The following SLC22A4 variants were observed in gnomAD, a reference collection of about 807,000 sequenced individuals.
SLC22A4 encodes solute carrier family 22 member 4.
SLC22A4 carries 39 observed loss-of-function variants against 56.6 expected under a neutral mutation model. The observed-to-expected ratio is 0.69, with a 90% CI of 0.53 to 0.90. The LOEUF is 0.90. SLC22A4 is among the 40% of genes least tolerant of loss of function. The pLI is 0.00. For synonymous variants in SLC22A4, 241 were observed against 281.4 expected (o/e 0.86, Z 1.44); for missense variants, 594 against 696.5 (o/e 0.85, Z 1.66).
chr5:132,327,201 T>C, intron 4 of SLC22A4, 76 bp from the exon 5 acceptor site: 2 of 1,172,138 alleles, frequency 1.7e-6, no homozygotes, highest in Non-Finnish European at 2.4e-6. Context: ...TTAAAACTAT[T>C]TGGGGGAAAC....
At chr5:132,305,302 C>T (rs1749998633) in intron 1 of SLC22A4, among the ~76,000 whole-genome samples, 1 of 151,858 alleles carries the variant, frequency 6.6e-6, no homozygotes, top group Admixed American at 6.6e-5. Context: ...CACCATTAAA[C>T]ATAGCAATAT....
intron 8 of SLC22A4, among the ~76,000 whole-genome samples, chr5:132,338,523 T>C (rs1363454994): frequency 6.6e-6 from 1 of 152,148 alleles, no homozygotes; most frequent in Non-Finnish European, 1.5e-5. Context: ...CTAACAAGCC[T>C]GGGAGTGCTA....
chr5:132,318,384 G>T (rs1750426266), intron 3 of SLC22A4, among the ~76,000 whole-genome samples: 1 of 152,156 alleles, frequency 6.6e-6, no homozygotes, highest in Admixed American at 6.5e-5. Context: ...GCTTATCACA[G>T]TCACTCTAGT....
intron 5 of SLC22A4, among the ~76,000 whole-genome samples, chr5:132,330,150 G>A (rs1405443285): frequency 6.6e-6 from 1 of 152,196 alleles, no homozygotes; most frequent in African/African-American, 2.4e-5. Context: ...GTGGCTGTGA[G>A]CTGTGTAAGT....
At chr5:132,328,823 TTATATA>T (rs70974032) in intron 5 of SLC22A4, among the ~76,000 whole-genome samples, 55,268 of 145,172 alleles carry the variant, frequency 0.38, 10,910 homozygotes, top group Non-Finnish European at 0.43. Context: ...GGCAGTGCCT[TTATATA>T]TATATATATA....
chr5:132,337,744 T>C (rs1022196456), intron 8 of SLC22A4, among the ~76,000 whole-genome samples: 1 of 151,820 alleles, frequency 6.6e-6, no homozygotes, highest in Non-Finnish European at 1.5e-5. Context: ...TGCCCCTTTT[T>C]TTTTTTTTGG....
intron 6 of SLC22A4, among the ~76,000 whole-genome samples, chr5:132,332,730 GCACACACACACACACACACA>G (rs3840351): frequency 6.9e-6 from 1 of 145,654 alleles, no homozygotes; most frequent in Non-Finnish European, 1.5e-5. Flanking sequence ...TATGATGGCA[GCACACACACACACACACACA>G]CACACACACA....
chr5:132,336,841 T>G (rs1751039120), intron 8 of SLC22A4, among the ~76,000 whole-genome samples: 1 of 152,190 alleles, frequency 6.6e-6, no homozygotes, highest in African/African-American at 2.4e-5. Context: ...GTAGGGCTAC[T>G]CACCAAACAG....
At chr5:132,318,058 G>A (rs1750413865) in intron 3 of SLC22A4, among the ~76,000 whole-genome samples, 1 of 152,230 alleles carries the variant, frequency 6.6e-6, no homozygotes, top group South Asian at 2.1e-4. Flanking sequence ...ATGGGTCAAG[G>A]GAGTGGGGCA....
chr5:132,313,823 A>G lies in SLC22A4; in HGVS notation c.652+55A>G, dbSNP rs1322609995. 1.3e-5 allele frequency: 20 copies of G among 1,561,476 alleles called. No homozygotes were observed. In the Admixed American group the frequency reaches 3.3e-4, roughly 26 times the overall value. ...TTCCCTCTAACCCTCTGAAAGGCCCAGAAAGAGGAAATCATTGGGCCATTG... is the reference window on the plus strand; with the variant it reads ...TTCCCTCTAACCCTCTGAAAGGCCCGGAAAGAGGAAATCATTGGGCCATTG... On this transcript the variant is annotated intron_variant, in intron 3 of 9. Transcript: ENST00000200652.
chr5:132,337,840 A>G (rs1470861113), intron 8 of SLC22A4, among the ~76,000 whole-genome samples: 3 of 151,092 alleles, frequency 2.0e-5, no homozygotes, highest in Non-Finnish European at 4.4e-5. Context: ...GGTTCAATCA[A>G]TTCTCCTGCC....
chr5:132,339,257 G>A (rs183039151), intron 8 of SLC22A4, among the ~76,000 whole-genome samples: 1 of 152,190 alleles, frequency 6.6e-6, no homozygotes, highest in East Asian at 1.9e-4. Context: ...TTTACCATTT[G>A]TATTTTCACT....
rs373609561 is a variant in SLC22A4, at chr5:132,312,156, G to C, written c.394-5G>C. 7 of 1,583,932 alleles carry C rather than the reference G, an allele frequency of 4.4e-6. No homozygotes were observed. The highest frequency in any genetic ancestry group is 6.1e-6 in the Non-Finnish European group (7 of 1,152,560). On this transcript the variant is annotated splice_region_variant and splice_polypyrimidine_tract_variant and intron_variant, in intron 1 of 9. Coordinates refer to ENST00000200652, the MANE Select transcript of SLC22A4 (RefSeq NM_003059.3). The stretch of plus-strand genomic sequence containing the variant: ...GCTCACGCTTCATGCTGTCTTCCTT[G>C]GCAGTGGAATCTGGTGTGTGAGGAC...
chr5:132,317,582 G>A (rs1047706160), intron 3 of SLC22A4, among the ~76,000 whole-genome samples: 1 of 152,168 alleles, frequency 6.6e-6, no homozygotes, highest in African/African-American at 2.4e-5. Flanking sequence ...CTACTTTGGG[G>A]CTGTTATGAA....
intron 5 of SLC22A4, among the ~76,000 whole-genome samples, chr5:132,327,763 A>G (rs1220517308): frequency 6.6e-6 from 1 of 152,220 alleles, no homozygotes. Flanking sequence ...TTTCAGGGCT[A>G]GTCCACCCTG....
At chr5:132,314,809 C>T (rs1336577026) in intron 3 of SLC22A4, among the ~76,000 whole-genome samples, 1 of 152,224 alleles carries the variant, frequency 6.6e-6, no homozygotes, top group African/African-American at 2.4e-5. Flanking sequence ...TCCAACTCTA[C>T]TCCTTTAATT....
intron 1 of SLC22A4, among the ~76,000 whole-genome samples, chr5:132,306,327 C>T (rs1191334811): frequency 7.1e-6 from 1 of 140,878 alleles, no homozygotes; most frequent in East Asian, 2.0e-4. Flanking sequence ...GGAAACAACC[C>T]AACTACTTAT....
rs1482537906 is a variant in SLC22A4, at chr5:132,322,369, G to A, written c.824+14G>A. On this transcript the variant is annotated intron_variant, in intron 4 of 9. Coordinates refer to ENST00000200652, the MANE Select transcript of SLC22A4 (RefSeq NM_003059.3). ...CCCGCTGTGGTGGTGAGTGTGACTC[G>A]TCCCCAGACAGGCCCTCTGCTGCGG... The A allele has an allele frequency of 9.3e-6, 15 of 1,612,058 alleles. No individual in the cohort carries two copies. Among genetic ancestry groups the A allele is most frequent in the South Asian group, 4.4e-5 (4 of 91,026 alleles).
intron 1 of SLC22A4, among the ~76,000 whole-genome samples, chr5:132,298,636 GATA>G (rs1239202036): frequency 6.6e-6 from 1 of 152,214 alleles, no homozygotes; most frequent in Non-Finnish European, 1.5e-5. Context: ...TCAAAATGGG[GATA>G]ATAAGAGAAG....
Sources: gnomAD v4.1 joint callset for allele counts (sites outside exome capture counted in the v4.1 genomes callset) on GRCh38, gnomAD v4.1.1 for gene constraint, MANE v1.5 for transcripts, NCBI Gene and HGNC (gene_info 2026-07-23, HGNC 2026-07-21) for gene names.